GLIS2: variants seen among roughly 807,000 people sequenced by gnomAD.
The protein encoded by GLIS2 is GLIS family zinc finger 2, also known as zinc finger protein GLIS2.
Under a neutral mutation model 35.6 loss-of-function variants are expected in GLIS2, and 14 were observed. The ratio of observed to expected loss-of-function variants is 0.39; its 90% confidence interval spans 0.26 to 0.61. The LOEUF (loss-of-function observed/expected upper bound fraction) is 0.61. Among genes scored for constraint, GLIS2 ranks in the 20% least tolerant of loss-of-function variants. The pLI is 0.48. For synonymous variants in GLIS2, 368 were observed against 325.1 expected (o/e 1.13, Z -1.42); for missense variants, 675 against 713.4 (o/e 0.95, Z 0.61).
In GLIS2 at chr16:4,337,899, G is replaced by A. The variant is rs2053575785; in HGVS notation, c.*375G>A. ...GTTGCCCTCTCCCAGCAGAGGGGGT[G>A]GGTGGGGTGGCATCTGCCCTCCCTG... On this transcript the variant is annotated 3_prime_UTR_variant, in exon 7 of 7. Coordinates refer to ENST00000433375, the MANE Select transcript of GLIS2 (RefSeq NM_032575.3). 1.7e-5 allele frequency: 7 copies of A among 401,334 alleles called. No homozygotes were observed. In the East Asian group the frequency reaches 3.7e-4, roughly 21 times the overall value. The allele number at this position is 401,334 out of a possible 1,614,324, so 24.9% of individuals were successfully genotyped here.
Position 4,333,331 on chromosome 16 carries a change from T to G in GLIS2, c.173-16T>G. On this transcript the variant is annotated splice_polypyrimidine_tract_variant and intron_variant, in intron 2 of 6. Coordinates refer to ENST00000433375, the MANE Select transcript of GLIS2 (RefSeq NM_032575.3). ...CTCTACACTCCAGCACACCCTGAAC[T>G]GTGCCTCTCCCTCAGGCTTCCTGCT... is the stretch of plus-strand genomic sequence containing the variant. 1 of 1,612,654 alleles carries G rather than the reference T, an allele frequency of 6.2e-7. No individual in the cohort carries two copies. The highest frequency in any genetic ancestry group is 8.5e-7 in the Non-Finnish European group (1 of 1,180,000).
In GLIS2 at chr16:4,335,002, T is replaced by C. The variant is rs1380900201; in HGVS notation, c.522+25T>C. On this transcript the variant is annotated intron_variant, in intron 4 of 6. Transcript: ENST00000433375. This position sits in a 1 kb window ranked among gnomAD's most constrained non-coding sequence, Gnocchi z 4.6. ...GGTGAGTGGGGGCCAGCAAGAGTAGTGTGGAGTCTGGGGCAGGTCACCCCG... is the reference window on the plus strand; with the variant it reads ...GGTGAGTGGGGGCCAGCAAGAGTAGCGTGGAGTCTGGGGCAGGTCACCCCG... 3 of 1,613,160 alleles carry C rather than the reference T, an allele frequency of 1.9e-6. No individual in the cohort carries two copies. The highest frequency in any genetic ancestry group is 2.5e-6 in the Non-Finnish European group (3 of 1,180,004).
At position 4,337,258 on chromosome 16, in the gene GLIS2, G is replaced by A. The variant is rs554958933; in HGVS notation, c.1309G>A (p.Ala437Thr). ...GLPVVSLLAG[A>T]AGGKAEGEKG... ...GCCTGTGGTCTCCCTCCTTGCTGGC[G>A]CAGCTGGTGGCAAGGCCGAGGGGGA... Residue 437 changes from alanine to threonine, a missense_variant, in exon 7 of 7, where the codon GCA (alanine) becomes ACA (threonine). Ala to Thr is a moderately conservative substitution (Grantham distance 58). Coordinates refer to ENST00000433375, the MANE Select transcript of GLIS2 (RefSeq NM_032575.3). 3.8e-5 allele frequency: 59 copies of A among 1,548,568 alleles called. No homozygotes were observed. Among genetic ancestry groups the A allele is most frequent in the African/African-American group, 6.8e-5 (5 of 73,130 alleles).
At chr16:4,333,553 G>C (rs2141131540) in intron 3 of GLIS2, 34 bp downstream of exon 3, 2 of 1,586,250 alleles carry the variant, frequency 1.3e-6, no homozygotes, top group East Asian at 4.5e-5. Context: ...AGAGAGGGGT[G>C]GACTGGTTTC....
At position 4,339,350 on chromosome 16, in the gene GLIS2, C is replaced by T. The variant is rs757541; in HGVS notation, c.*1826C>T. On this transcript the variant is annotated 3_prime_UTR_variant, in exon 7 of 7. Transcript: ENST00000433375. ...ACGAGCTCAGCATGCGACTCGGTGACGGACCAGGCTCGGCAGGGCCGGTGT... is the reference window on the plus strand; with the variant it reads ...ACGAGCTCAGCATGCGACTCGGTGATGGACCAGGCTCGGCAGGGCCGGTGT... The T allele has an allele frequency of 4.0e-3, 612 of 152,852 alleles. 2 individuals are homozygous for T. The highest frequency in any genetic ancestry group is 6.9e-3 in the Non-Finnish European group (469 of 68,198). The allele number at this position is 152,852 out of a possible 1,614,324, so 9.5% of individuals were successfully genotyped here.
In GLIS2 at chr16:4,337,522, T is replaced by G; in HGVS notation, c.1573T>G (p.Ter525GlyextTer48). Residue 525 changes from the stop codon to glycine, a stop_lost, in exon 7 of 7, where the codon TGA (stop) becomes GGA (glycine). Transcript: ENST00000433375. ...GCTGCTCAAACCGGCTGTGGTGAAC[T>G]GAGCCCATCCTGCGGACAGTTGTGG... is the stretch of plus-strand genomic sequence containing the variant. ...SVLLKPAVVN[*>G] is the part of the protein sequence containing the mutation. The G allele has an allele frequency of 6.4e-7, 1 of 1,556,474 alleles. No homozygotes were observed. The highest frequency in any genetic ancestry group is 8.6e-7 in the Non-Finnish European group (1 of 1,156,322).
In GLIS2 at chr16:4,332,238, G is replaced by T. The variant is rs1377929207; in HGVS notation, c.-43G>T. 1 of 1,602,558 alleles carries T rather than the reference G, an allele frequency of 6.2e-7. No homozygotes were observed. Among genetic ancestry groups the T allele is most frequent in the Non-Finnish European group, 8.5e-7 (1 of 1,175,832 alleles). ...AGGTTCCTGCGTGAAGACCAGCTGG[G>T]AGCCCACTGCCTGCTGCCACCTCCA... On this transcript the variant is annotated 5_prime_UTR_variant, in exon 2 of 7. Coordinates refer to ENST00000433375, the MANE Select transcript of GLIS2 (RefSeq NM_032575.3). The surrounding 1 kb of genome is among the most constrained non-coding windows in gnomAD (Gnocchi z 5.4).
intron 1 of GLIS2, among the ~76,000 whole-genome samples, chr16:4,321,052 C>G (rs987534480): frequency 6.6e-6 from 1 of 152,180 alleles, no homozygotes; most frequent in Non-Finnish European, 1.5e-5. Context: ...CCAGAGTAGG[C>G]GAGCAGAGAG....
At position 4,332,288 on chromosome 16, in the gene GLIS2, C is replaced by A; in HGVS notation, c.8C>A (p.Ser3Tyr). The change falls in exon 2 of 7, where the codon TCC becomes TAC. Residue 3 changes from serine (S) to tyrosine (Y), a missense_variant. Coordinates refer to ENST00000433375, the MANE Select transcript of GLIS2 (RefSeq NM_032575.3). The surrounding 1 kb of genome is among the most constrained non-coding windows in gnomAD (Gnocchi z 5.4). ...AACTCCGGCCCCCTCACCATGCACT[C>A]CCTGGACGAGCCGCTCGACCTGAAG... MH[S>Y]LDEPLDLKLS... The A allele has an allele frequency of 6.2e-7, 1 of 1,612,394 alleles. No homozygotes were observed. The highest frequency in any genetic ancestry group is 1.3e-5 in the African/African-American group (1 of 75,042).
intron 1 of GLIS2, among the ~76,000 whole-genome samples, chr16:4,321,466 A>G (rs933654448): frequency 6.6e-6 from 1 of 152,210 alleles, no homozygotes; most frequent in Non-Finnish European, 1.5e-5. Flanking sequence ...AGACGGACTC[A>G]TTCGCGGAGT....
At chr16:4,315,673 G>GT (rs1018297585), upstream of GLIS2, among the ~76,000 whole-genome samples, 1 of 151,190 alleles carries the variant, frequency 6.6e-6, no homozygotes, top group African/African-American at 2.4e-5. Flanking sequence ...CCGCGGGGGG[G>GT]GGGTGGCGTG....
chr16:4,321,321 C>T (rs115655434), intron 1 of GLIS2, among the ~76,000 whole-genome samples: 1 of 152,196 alleles, frequency 6.6e-6, no homozygotes, highest in Non-Finnish European at 1.5e-5. Flanking sequence ...TGTCAGGAGA[C>T]CAGCCCCTGC....
rs370055149 is a variant in GLIS2 at position 4,322,263 on chromosome 16, T to G, written c.-67+6009T>G. ...AGCCCTCTGTGGCTCCCCAGTGCCC[T>G]CTAGGTTCTGTCCCAGCCTCTCTGA... On this transcript the variant is annotated intron_variant, in intron 1 of 6. Transcript: ENST00000433375. Among the ~76,000 whole-genome samples, 56 of 151,762 alleles carry G rather than the reference T, an allele frequency of 3.7e-4. 1 individual carries two copies. The East Asian group carries it at 9.0e-3, about 24-fold the overall frequency.
In GLIS2 at chr16:4,338,879, CCT is replaced by C. The variant is rs1235451113; in HGVS notation, c.*1359_*1360del. 2.0e-5 allele frequency: 3 copies of C among 152,384 alleles called. No individual in the cohort carries two copies. Among genetic ancestry groups the C allele is most frequent in the Non-Finnish European group, 4.4e-5 (3 of 68,130 alleles). The allele number at this position is 152,384 out of a possible 1,614,324, so 9.4% of individuals were successfully genotyped here. A position where few individuals can be genotyped will look rare whatever the true frequency, so the allele number is the denominator to read the frequency against. Reference sequence around the variant, plus strand: ...CCCCATCTGGGGCCTCTCCCTGCTCCCTCTCCCACCTGGCAGCTGGGAGTTCT... The same window carrying C: ...CCCCATCTGGGGCCTCTCCCTGCTCCCTCCCACCTGGCAGCTGGGAGTTCT... On this transcript the variant is annotated 3_prime_UTR_variant, in exon 7 of 7. Coordinates refer to ENST00000433375, the MANE Select transcript of GLIS2 (RefSeq NM_032575.3).
Position 4,337,766 on chromosome 16 carries a change from C to T in GLIS2, c.*242C>T, listed in dbSNP as rs2053573735. 6 of 609,926 alleles carry T rather than the reference C, an allele frequency of 9.8e-6. No individual in the cohort carries two copies. In the South Asian group the frequency reaches 1.2e-4, roughly 12 times the overall value. 37.8% of individuals were successfully genotyped at this position (609,926 alleles called of 1,614,324 possible). On this transcript the variant is annotated 3_prime_UTR_variant, in exon 7 of 7. Transcript: ENST00000433375. ...GTGCTGAAGCCTCGCTCCTGTCTGT[C>T]CCCCACCACCTGGCCCTCAGCTTCT...
At position 4,321,146 on chromosome 16, in the gene GLIS2, G is replaced by C. The variant is rs375312175; in HGVS notation, c.-67+4892G>C. ...GGGCCTGCTCTTGCCCAGCTATCTG[G>C]GGCTGGGGGCCAGGGCTGGGAGGGC... On this transcript the variant is annotated intron_variant, in intron 1 of 6. Coordinates refer to ENST00000433375, the MANE Select transcript of GLIS2 (RefSeq NM_032575.3). Among the ~76,000 whole-genome samples the C allele has an allele frequency of 2.4e-4, 36 of 152,324 alleles. 1 individual carries two copies. The East Asian group carries it at 6.4e-3, about 27-fold the overall frequency.
Position 4,335,376 on chromosome 16 carries a change from A to T in GLIS2, c.758A>T (p.His253Leu). The change falls in exon 6 of 7, where the codon CAC becomes CTC. Residue 253 changes from histidine (H) to leucine (L), a missense_variant. Transcript: ENST00000433375. The surrounding 1 kb of genome is among the most constrained non-coding windows in gnomAD (Gnocchi z 4.6). The part of the protein sequence containing the change: ...SFSRLENLKI[H>L]NRSHTGEKPY... ...TCCCGCCTGGAGAACCTGAAGATCCACAACCGGTCGCACACAGGTAAGAGG... is the reference window on the plus strand; with the variant it reads ...TCCCGCCTGGAGAACCTGAAGATCCTCAACCGGTCGCACACAGGTAAGAGG... 1 of 1,613,636 alleles carries T rather than the reference A, an allele frequency of 6.2e-7. No individual in the cohort carries two copies. Among genetic ancestry groups the T allele is most frequent in the Non-Finnish European group, 8.5e-7 (1 of 1,180,008 alleles).
At chr16:4,324,137 G>A (rs970611106) in intron 1 of GLIS2, among the ~76,000 whole-genome samples, 44 of 152,216 alleles carry the variant, frequency 2.9e-4, no homozygotes, top group African/African-American at 1.0e-3. Flanking sequence ...CCCGGGAGGG[G>A]GTCTGCCCTC....
Position 4,338,014 on chromosome 16 carries a change from G to A in GLIS2, c.*490G>A. On this transcript the variant is annotated 3_prime_UTR_variant, in exon 7 of 7. Coordinates refer to ENST00000433375, the MANE Select transcript of GLIS2 (RefSeq NM_032575.3). ...AGGCTTACCCAGCCCCTGCCCTGGG[G>A]GCTCCTTGGACCCCTTTCCCTCTGA... is the stretch of plus-strand genomic sequence containing the variant. The A allele has an allele frequency of 4.6e-6, 1 of 217,560 alleles. No individual in the cohort carries two copies. Among genetic ancestry groups the A allele is most frequent in the Non-Finnish European group, 9.3e-6 (1 of 107,554 alleles). The allele number at this position is 217,560 out of a possible 1,614,324, so 13.5% of individuals were successfully genotyped here. A position where few individuals can be genotyped will look rare whatever the true frequency, so the allele number is the denominator to read the frequency against.
Sources: gnomAD v4.1 joint callset for allele counts (sites outside exome capture counted in the v4.1 genomes callset) on GRCh38, gnomAD v4.1.1 for gene constraint, Gnocchi (gnomAD v3.1) non-coding constraint, MANE v1.5 for transcripts, NCBI Gene and HGNC (gene_info 2026-07-23, HGNC 2026-07-21) for gene names.